The following SLIT2 variants were observed in gnomAD, a reference collection of about 807,000 sequenced individuals.
SLIT2 encodes the protein slit guidance ligand 2.
A neutral mutation model predicts 185.7 loss-of-function variants in SLIT2; 41 were observed. That is an observed-to-expected ratio of 0.22 (90% CI 0.17 to 0.29). The LOEUF (loss-of-function observed/expected upper bound fraction) is 0.29, where lower values mean the gene tolerates loss of function less well. Among genes scored for constraint, SLIT2 ranks in the 10% least tolerant of loss-of-function variants. The pLI is 1.00. For missense variants in SLIT2, 1,571 were observed against 1,909.0 expected, an observed-to-expected ratio of 0.82 and a Z score of 3.30; for synonymous variants, 693 against 680.2, an observed-to-expected ratio of 1.02 and a Z score of -0.29.
intron 4 of SLIT2, among the ~76,000 whole-genome samples, chr4:20,466,964 A>C (rs1172081178): frequency 6.6e-6 from 1 of 152,176 alleles, no homozygotes; most frequent in East Asian, 1.9e-4. Flanking sequence ...CATTAAGGCT[A>C]ATAATACTAT....
At chr4:20,367,271 T>C (rs1560358298) in intron 4 of SLIT2, among the ~76,000 whole-genome samples, 1 of 152,166 alleles carries the variant, frequency 6.6e-6, no homozygotes, top group East Asian at 1.9e-4. Flanking sequence ...GTGCTTCATT[T>C]TTTTAGTGAC....
At chr4:20,592,334 T>A (rs1727578312) in intron 30 of SLIT2, among the ~76,000 whole-genome samples, 1 of 152,184 alleles carries the variant, frequency 6.6e-6, no homozygotes, top group East Asian at 1.9e-4. Context: ...GCATCTTACA[T>A]AGCCAGCTTT....
At position 20,560,939 on chromosome 4, in the gene SLIT2, T is replaced by G. The variant is rs142469016; in HGVS notation, c.2726-6323T>G. Among the ~76,000 whole-genome samples, 402 of 152,044 alleles carry G rather than the reference T, an allele frequency of 2.6e-3. 8 individuals are homozygous for G. The highest frequency in any genetic ancestry group is 9.1e-3 in the African/African-American group (375 of 41,426). On this transcript the variant is annotated intron_variant, in intron 26 of 36. Coordinates refer to ENST00000504154, the MANE Select transcript of SLIT2 (RefSeq NM_004787.4). ...TGTCCTCATGGACCTGATACTCTAC[T>G]GATAGATACTTTTAAATAGATAATT...
intron 4 of SLIT2, among the ~76,000 whole-genome samples, chr4:20,327,566 G>A (rs1432095479): frequency 6.6e-6 from 1 of 151,982 alleles, no homozygotes; most frequent in Non-Finnish European, 1.5e-5. Context: ...TTTGTAATTA[G>A]TGGGTAAATT....
intron 4 of SLIT2, among the ~76,000 whole-genome samples, chr4:20,377,486 A>G (rs558639799): frequency 2.6e-5 from 4 of 152,270 alleles, no homozygotes; most frequent in South Asian, 2.1e-4. Context: ...ATGCAGAGTT[A>G]TAAGTAGGGA....
At chr4:20,552,387 T>A (rs2148893413) in intron 25 of SLIT2, 1 of 150,398 alleles carries the variant, frequency 6.6e-6, no homozygotes, top group East Asian at 1.9e-4. Flanking sequence ...TCTTTATATA[T>A]ATAAAGAAAT....
chr4:20,471,655 G>T (rs11936122), intron 5 of SLIT2, among the ~76,000 whole-genome samples: 28,309 of 152,134 alleles, frequency 0.19, 3,033 homozygotes, highest in Non-Finnish European at 0.24. Flanking sequence ...AGGCCTTAGA[G>T]CAAATTCCAG....
intron 4 of SLIT2, among the ~76,000 whole-genome samples, chr4:20,321,329 G>A (rs1719061039): frequency 6.6e-6 from 1 of 152,126 alleles, no homozygotes; most frequent in Non-Finnish European, 1.5e-5. Flanking sequence ...TTTCGTATTT[G>A]CCACTTCTCT....
chr4:20,377,730 G>A (rs1260191969), intron 4 of SLIT2, among the ~76,000 whole-genome samples: 1 of 152,088 alleles, frequency 6.6e-6, no homozygotes, highest in Non-Finnish European at 1.5e-5. Flanking sequence ...AAGTAGGTAG[G>A]ACAGTTCCCC....
chr4:20,554,839 C>T (rs1472850853), intron 26 of SLIT2, among the ~76,000 whole-genome samples: 3 of 152,088 alleles, frequency 2.0e-5, no homozygotes, highest in African/African-American at 7.2e-5. Context: ...TCTCAGCTCA[C>T]TGCAACCTCC....
At chr4:20,585,426 A>G (rs1312510946) in intron 29 of SLIT2, among the ~76,000 whole-genome samples, 2 of 152,244 alleles carry the variant, frequency 1.3e-5, no homozygotes, top group Non-Finnish European at 2.9e-5. Flanking sequence ...TGTGTTCCAC[A>G]CTATTGGGAA....
chr4:20,595,859 T>G (rs1252479423), intron 31 of SLIT2, 25 bp downstream of exon 31: 1 of 1,601,328 alleles, frequency 6.2e-7, no homozygotes, highest in Admixed American at 1.7e-5. Flanking sequence ...GAATAAGACC[T>G]AGTGTTCAAT....
At chr4:20,417,892 C>A (rs1281906227) in intron 4 of SLIT2, among the ~76,000 whole-genome samples, 1 of 152,100 alleles carries the variant, frequency 6.6e-6, no homozygotes, top group East Asian at 1.9e-4. Flanking sequence ...CTTCTTGTGG[C>A]CCTTATAATC....
intron 4 of SLIT2, among the ~76,000 whole-genome samples, chr4:20,403,206 C>T (rs1726496203): frequency 6.6e-6 from 1 of 151,782 alleles, no homozygotes; most frequent in Non-Finnish European, 1.5e-5. Context: ...CAAGTGCCAT[C>T]AAATGAAAAA....
At chr4:20,469,019 C>T (rs937467114) in intron 5 of SLIT2, among the ~76,000 whole-genome samples, 2 of 152,090 alleles carry the variant, frequency 1.3e-5, no homozygotes, top group African/African-American at 4.8e-5. Context: ...CTACAGGCTT[C>T]TAAGGTATAA....
At chr4:20,285,421 T>C (rs925942785) in intron 4 of SLIT2, among the ~76,000 whole-genome samples, 1 of 152,220 alleles carries the variant, frequency 6.6e-6, no homozygotes, top group Non-Finnish European at 1.5e-5. Context: ...CTCATTGTTA[T>C]TTTTCTTGCC....
chr4:20,592,796 TCTA>T (rs1415746640), intron 30 of SLIT2, among the ~76,000 whole-genome samples: 4 of 152,186 alleles, frequency 2.6e-5, no homozygotes, highest in African/African-American at 9.6e-5. Flanking sequence ...CCACTTAGAG[TCTA>T]TTTAACTTCA....
At chr4:20,501,842 G>C (rs1410409967) in intron 9 of SLIT2, among the ~76,000 whole-genome samples, 1 of 152,026 alleles carries the variant, frequency 6.6e-6, no homozygotes, top group African/African-American at 2.4e-5. Flanking sequence ...AATAATTGAA[G>C]AGAAAGAATT....
intron 16 of SLIT2, among the ~76,000 whole-genome samples, chr4:20,530,929 C>T (rs1159984915): frequency 2.0e-5 from 3 of 147,048 alleles, no homozygotes; most frequent in Non-Finnish European, 3.0e-5. Flanking sequence ...ATCAAAACCA[C>T]AATGAGATAC....
Sources: allele counts gnomAD v4.1 joint callset (sites outside exome capture counted in the v4.1 genomes callset), GRCh38; gene constraint gnomAD v4.1.1; transcripts MANE v1.5; gene names NCBI Gene and HGNC (gene_info 2026-07-23, HGNC 2026-07-21).